Variants in IGHMBP2 observed in about 807,000 individuals in gnomAD.
IGHMBP2 encodes DNA-binding protein SMUBP-2.
A neutral mutation model predicts 96.0 loss-of-function variants in IGHMBP2; 81 were observed. That is an observed-to-expected ratio of 0.84 (90% CI 0.71 to 1.01). The LOEUF (loss-of-function observed/expected upper bound fraction) is 1.01, where lower values mean the gene tolerates loss of function less well. IGHMBP2 is among the 50% of genes least tolerant of loss of function. The pLI is 0.00. For missense variants in IGHMBP2, 1,227 were observed against 1,306.3 expected (o/e 0.94, Z 0.94); for synonymous variants, 557 against 548.9 (o/e 1.01, Z -0.21).
chr11:68,919,917 A>T (rs1858816419), intron 7 of IGHMBP2, among the ~76,000 whole-genome samples: 1 of 152,198 alleles, frequency 6.6e-6, no homozygotes, highest in South Asian at 2.1e-4. Flanking sequence ...ATTATGGTCA[A>T]AAACCTGTAA....
chr11:68,907,946 C>T (rs1858267278), intron 2 of IGHMBP2, among the ~76,000 whole-genome samples, 199 bp from the exon 3 acceptor site: 2 of 152,076 alleles, frequency 1.3e-5, no homozygotes, highest in African/African-American at 2.4e-5. Context: ...ACCTCTGCCT[C>T]CCAAAGTACT....
At position 68,914,856 on chromosome 11, in the gene IGHMBP2, G is replaced by C. The variant is rs576861137; in HGVS notation, c.745G>C (p.Asp249His). ...CTGCGCCCCCTCCAACATCGCCGTG[G>C]ACAATCTGGTGGAGCGCCTGGCTCT... is the stretch of plus-strand genomic sequence containing the variant. Reference protein sequence around the residue: ...LCCAPSNIAVDNLVERLALCK... With the variant: ...LCCAPSNIAVHNLVERLALCK... Residue 249 changes from aspartate to histidine, a missense_variant, in exon 6 of 15, where the codon GAC becomes CAC. Asp to His is a moderately conservative substitution (Grantham distance 81). Around this residue, in one of 3 missense-constraint regions of IGHMBP2, gnomAD observed 507 missense variants for 496.9 expected, o/e 1.02. Transcript: ENST00000255078. 6.2e-7 allele frequency: 1 copy of C among 1,614,240 alleles called. No individual in the cohort carries two copies. Among genetic ancestry groups the C allele is most frequent in the East Asian group, 2.2e-5 (1 of 44,884 alleles).
chr11:68,936,192 T>C, intron 12 of IGHMBP2, 45 bp from the exon 13 acceptor site: 1 of 1,609,122 alleles, frequency 6.2e-7, no homozygotes, highest in Non-Finnish European at 8.5e-7. Context: ...TGACTGTGTT[T>C]CTTAGTCTGA....
intron 7 of IGHMBP2, among the ~76,000 whole-genome samples, chr11:68,919,283 C>T (rs918585380): frequency 6.6e-6 from 1 of 151,772 alleles, no homozygotes; most frequent in Admixed American, 6.6e-5. Flanking sequence ...TCCCTGTCCC[C>T]ATCCCCATCC....
rs560096 is a variant in IGHMBP2 at position 68,911,494 on chromosome 11, T to C, written c.602T>C (p.Leu201Ser). 0.81 allele frequency: 1,312,784 copies of C among 1,613,828 alleles called. 538,558 individuals carry two copies. The highest frequency in any genetic ancestry group is 0.85 in the Non-Finnish European group (997,985 of 1,179,908). Reference protein sequence around the residue: ...CLDTSQKEAVLFALSQKELAI... With the variant: ...CLDTSQKEAVSFALSQKELAI... ...GACACCTCCCAGAAAGAAGCGGTTT[T>C]ATTTGCGCTGTCTCAGAAAGAACTT... The change falls in exon 5 of 15, where the codon TTA (leucine) becomes TCA (serine). Residue 201 changes from leucine (L) to serine (S), a missense_variant. Leu to Ser is a moderately radical substitution (Grantham distance 145). Around this residue, in one of 3 missense-constraint regions of IGHMBP2, gnomAD observed 507 missense variants for 496.9 expected, o/e 1.02. Coordinates refer to ENST00000255078, the MANE Select transcript of IGHMBP2 (RefSeq NM_002180.3).
intron 13 of IGHMBP2, 40 bp downstream of exon 13, chr11:68,937,131 C>T: frequency 6.3e-7 from 1 of 1,595,020 alleles, no homozygotes; most frequent in Non-Finnish European, 8.5e-7. Flanking sequence ...TGTCCCCTCA[C>T]TGGGGTGCTG....
chr11:68,936,413 G>A lies in IGHMBP2; in HGVS notation c.1933G>A (p.Asp645Asn), dbSNP rs775138577. 48 of 1,614,014 alleles carry A rather than the reference G, an allele frequency of 3.0e-5. No individual in the cohort carries two copies. The highest frequency in any genetic ancestry group is 4.5e-5 in the East Asian group (2 of 44,892). ...ACGCACGGCCTTTGAGTATCTTGAC[G>A]ATATTGTCCCAGAAAACTATTCCCA... ...EVRTAFEYLDDIVPENYSHEN... is the reference protein window; with the variant it reads ...EVRTAFEYLDNIVPENYSHEN... Residue 645 changes from aspartate to asparagine, a missense_variant, in exon 13 of 15, where the codon GAT becomes AAT. By Grantham distance (23) the Asp-to-Asn change is conservative. Coordinates refer to ENST00000255078, the MANE Select transcript of IGHMBP2 (RefSeq NM_002180.3).
At chr11:68,920,867 G>A (rs1858849342) in intron 7 of IGHMBP2, among the ~76,000 whole-genome samples, 1 of 152,116 alleles carries the variant, frequency 6.6e-6, no homozygotes, top group African/African-American at 2.4e-5. Context: ...CTGTAGCCTT[G>A]CATTCTTTGG....
chr11:68,918,671 AC>A (rs551844923), intron 7 of IGHMBP2, among the ~76,000 whole-genome samples: 2 of 152,190 alleles, frequency 1.3e-5, no homozygotes, highest in East Asian at 3.9e-4. Context: ...AACCAAAAAA[AC>A]AAAGCAAAAC....
chr11:68,911,365 C>A, intron 4 of IGHMBP2, 75 bp from the exon 5 acceptor site: 1 of 1,486,032 alleles, frequency 6.7e-7, no homozygotes, highest in Non-Finnish European at 9.3e-7. Context: ...TCCCCCGGGG[C>A]ACACACTCTC....
In IGHMBP2 at chr11:68,940,158, C is replaced by T. The variant is rs3750980; in HGVS notation, c.*427C>T. On this transcript the variant is annotated 3_prime_UTR_variant, in exon 15 of 15. Transcript: ENST00000255078. Reference sequence around the variant, plus strand: ...AAACAGGAAACAAGACTGCGAATGGCGCTCAGGCAGGGAGCAGGGAGTGGC... The same window carrying T: ...AAACAGGAAACAAGACTGCGAATGGTGCTCAGGCAGGGAGCAGGGAGTGGC... 0.23 allele frequency: 43,208 copies of T among 187,660 alleles called. 6,222 individuals carry two copies. Among genetic ancestry groups the T allele is most frequent in the Admixed American group, 0.4 (7,348 of 18,462 alleles). The allele number at this position is 187,660 out of a possible 1,614,324, so 11.6% of individuals were successfully genotyped here.
rs1386297763 is a variant in IGHMBP2 at position 68,938,223 on chromosome 11, G to A, written c.2653G>A (p.Ala885Thr). Residue 885 changes from alanine to threonine, a missense_variant, in exon 14 of 15, where the codon GCC (alanine) becomes ACC (threonine). Transcript: ENST00000255078. ...TDLPTEEDFE[A>T]LVSAAVKADN... is the part of the protein sequence containing the mutation. ...TCTGCCCACGGAGGAGGACTTTGAGGCCCTGGTTTCTGCCGCCGTTAAGGC... is the reference window on the plus strand; with the variant it reads ...TCTGCCCACGGAGGAGGACTTTGAGACCCTGGTTTCTGCCGCCGTTAAGGC... The A allele has an allele frequency of 6.2e-7, 1 of 1,614,070 alleles. No individual in the cohort carries two copies. The highest frequency in any genetic ancestry group is 8.5e-7 in the Non-Finnish European group (1 of 1,180,024).
rs1487798939 is a variant in IGHMBP2, at chr11:68,939,656, G to A, written c.2907G>A (p.Leu969=). The part of the protein sequence containing the change: ...GSLDPAKRAQ[L]QRRLDKKLSE... ...TGGACCCAGCCAAGAGGGCCCAGCT[G>A]CAGAGGAGGCTGGATAAGAAGCTGA... Residue 969 remains leucine (L), a synonymous_variant, in exon 15 of 15, where the codon CTG becomes CTA. Transcript: ENST00000255078. 1.9e-6 allele frequency: 3 copies of A among 1,613,318 alleles called. No individual in the cohort carries two copies.
rs375071662 is a variant in IGHMBP2, at chr11:68,906,134, A to G, written c.152A>G (p.Gln51Arg). Residue 51 changes from glutamine (Q) to arginine (R), a missense_variant, in exon 2 of 15, where the codon CAG (glutamine) becomes CGG (arginine). By Grantham distance (43) the Gln-to-Arg change is conservative. Around this residue, in one of 3 missense-constraint regions of IGHMBP2, gnomAD observed 507 missense variants for 496.9 expected, o/e 1.02. Coordinates refer to ENST00000255078, the MANE Select transcript of IGHMBP2 (RefSeq NM_002180.3). ...CGAGGCGTGTGTTTGCTGAAGCTGC[A>G]GGTATCCAGCCAGCGCACTGGGCTG... ...QSRGVCLLKL[Q>R]VSSQRTGLYG... 6.2e-7 allele frequency: 1 copy of G among 1,614,190 alleles called. No homozygotes were observed.
At chr11:68,931,442 G>A (rs1162917488) in intron 8 of IGHMBP2, among the ~76,000 whole-genome samples, 3 of 152,074 alleles carry the variant, frequency 2.0e-5, no homozygotes, top group South Asian at 4.2e-4. Context: ...AGCTGCACGC[G>A]GAAAGGCAGA....
chr11:68,934,097 G>A (rs1383784801), intron 10 of IGHMBP2, 184 bp downstream of exon 10: 2 of 646,276 alleles, frequency 3.1e-6, no homozygotes, highest in Non-Finnish European at 5.6e-6. Flanking sequence ...TGAGCAGACC[G>A]CTCCTGGGTG....
intron 4 of IGHMBP2, among the ~76,000 whole-genome samples, chr11:68,909,060 C>T (rs898119967): frequency 7.3e-5 from 11 of 151,176 alleles, no homozygotes; most frequent in African/African-American, 2.2e-4. Context: ...AGGCTGGTCT[C>T]GAACTCCTGA....
At chr11:68,908,859 G>C (rs200282372) in intron 4 of IGHMBP2, among the ~76,000 whole-genome samples, 1 of 66,274 alleles carries the variant, frequency 1.5e-5, no homozygotes, top group Non-Finnish European at 3.3e-5. Flanking sequence ...TTTTTTTTTT[G>C]AGACAGAATC....
At chr11:68,916,883 CT>C (rs1242641199) in intron 6 of IGHMBP2, among the ~76,000 whole-genome samples, 3 of 150,630 alleles carry the variant, frequency 2.0e-5, no homozygotes, top group African/African-American at 7.3e-5. Context: ...GATTTTCTTT[CT>C]CTGTAAATTA....
Sources: allele counts gnomAD v4.1 joint callset (sites outside exome capture counted in the v4.1 genomes callset), GRCh38; gene constraint gnomAD v4.1.1; regional missense constraint gnomAD v4.1.1; transcripts MANE v1.5; gene names NCBI Gene and HGNC (gene_info 2026-07-23, HGNC 2026-07-21).